ARID5B: variants seen among roughly 807,000 people sequenced by gnomAD.
ARID5B encodes the protein AT-rich interactive domain-containing protein 5B.
In ARID5B, 13 loss-of-function variants were observed where a neutral mutation model predicts 97.2. That is an observed-to-expected ratio of 0.13 (90% CI 0.09 to 0.21). ARID5B has a LOEUF of 0.21. Ranked by LOEUF, ARID5B falls within the 10% of genes least tolerant of loss-of-function variation. The probability of loss-of-function intolerance (pLI) is 1.00; values close to 1 mark genes in which losing one functional copy is unlikely to be tolerated. For missense variants in ARID5B, 1,210 were observed against 1,465.3 expected, an observed-to-expected ratio of 0.83 and a Z score of 2.84; for synonymous variants, 556 against 570.3, an observed-to-expected ratio of 0.97 and a Z score of 0.36.
In ARID5B at chr10:62,088,979, A is replaced by C. The variant is rs149308606; in HGVS notation, c.1399-1883A>C. On this transcript the variant is annotated intron_variant, in intron 9 of 9. Coordinates refer to ENST00000279873, the MANE Select transcript of ARID5B (RefSeq NM_032199.3). ...ACTTTTTTCTGCCTAGCTTTCAAAGACTTCCTAAACCTGTTTTACAACCCG... is the reference window on the plus strand; with the variant it reads ...ACTTTTTTCTGCCTAGCTTTCAAAGCCTTCCTAAACCTGTTTTACAACCCG... Among the ~76,000 whole-genome samples, 857 of 152,290 alleles carry C rather than the reference A, an allele frequency of 5.6e-3. 8 individuals are homozygous for C. The highest frequency in any genetic ancestry group is 0.01 in the Non-Finnish European group (681 of 68,014).
chr10:61,985,625 T>C (rs1838836355), intron 3 of ARID5B, among the ~76,000 whole-genome samples: 1 of 152,080 alleles, frequency 6.6e-6, no homozygotes, highest in African/African-American at 2.4e-5. Flanking sequence ...GGAGTGATGG[T>C]TGCATTGTGA....
At chr10:61,916,699 G>C (rs1372823105) in intron 2 of ARID5B, among the ~76,000 whole-genome samples, 2 of 152,162 alleles carry the variant, frequency 1.3e-5, no homozygotes, top group Non-Finnish European at 2.9e-5. Flanking sequence ...GAAACATTGT[G>C]CTGTCCTGTT....
intron 4 of ARID5B, among the ~76,000 whole-genome samples, chr10:62,021,029 AAT>A (rs10528323): frequency 0.066 from 7,019 of 106,144 alleles, 193 homozygotes; most frequent in Middle Eastern, 0.098. Flanking sequence ...TTGTCACATG[AAT>A]ATATATATAT....
At chr10:61,998,834 A>G (rs1410670051) in intron 3 of ARID5B, among the ~76,000 whole-genome samples, 1 of 152,188 alleles carries the variant, frequency 6.6e-6, no homozygotes, top group Non-Finnish European at 1.5e-5. Context: ...GGGCTAGATC[A>G]TGCTGCAATA....
intron 2 of ARID5B, among the ~76,000 whole-genome samples, chr10:61,913,283 A>C (rs1322949551): frequency 6.6e-6 from 1 of 152,206 alleles, no homozygotes; most frequent in African/African-American, 2.4e-5. Flanking sequence ...AGGCATGGCT[A>C]GCTTAAAGTC....
chr10:61,919,611 A>G (rs905429487), intron 2 of ARID5B, among the ~76,000 whole-genome samples: 1 of 152,258 alleles, frequency 6.6e-6, no homozygotes, highest in African/African-American at 2.4e-5. Context: ...TGTAGTACTC[A>G]GTCTCCTCGC....
At chr10:62,083,284 G>GGA (rs1840238295) in intron 8 of ARID5B, among the ~76,000 whole-genome samples, 1 of 100,308 alleles carries the variant, frequency 1.0e-5, no homozygotes, top group Non-Finnish European at 1.9e-5. Context: ...GTGAAGGGGA[G>GGA]AAAAAAAAAA....
chr10:61,906,602 G>T (rs1347707338), intron 2 of ARID5B, among the ~76,000 whole-genome samples: 2 of 152,150 alleles, frequency 1.3e-5, no homozygotes, highest in Admixed American at 1.3e-4. Flanking sequence ...ATGATGTCCA[G>T]GAGTCAAGAT....
intron 8 of ARID5B, among the ~76,000 whole-genome samples, chr10:62,071,456 T>C (rs1172615031): frequency 1.3e-5 from 2 of 151,802 alleles, no homozygotes; most frequent in Non-Finnish European, 2.9e-5. Flanking sequence ...AAGGAGCAGA[T>C]AGCAATTAAA....
At chr10:61,916,922 A>G (rs76415874) in intron 2 of ARID5B, among the ~76,000 whole-genome samples, 60 of 152,276 alleles carry the variant, frequency 3.9e-4, no homozygotes, top group African/African-American at 1.2e-3. Context: ...GATAAGATCA[A>G]TGAGTGACTG....
intron 2 of ARID5B, among the ~76,000 whole-genome samples, chr10:61,930,047 C>A (rs906080213): frequency 1.3e-5 from 2 of 152,182 alleles, no homozygotes; most frequent in Non-Finnish European, 1.5e-5. Context: ...TGGGACCAAA[C>A]AGTACAATGT....
intron 8 of ARID5B, among the ~76,000 whole-genome samples, chr10:62,074,510 G>T (rs900313369): frequency 1.3e-5 from 2 of 152,126 alleles, no homozygotes; most frequent in African/African-American, 4.8e-5. Context: ...GTAGAGTGTG[G>T]GAGGCTTCAT....
intron 3 of ARID5B, among the ~76,000 whole-genome samples, chr10:61,948,852 C>T (rs968390027): frequency 6.6e-6 from 1 of 152,228 alleles, no homozygotes; most frequent in African/African-American, 2.4e-5. Flanking sequence ...AACTACTGGA[C>T]TCTTCTCTAG....
chr10:62,047,947 T>G (rs1839732898), intron 4 of ARID5B, among the ~76,000 whole-genome samples: 1 of 152,160 alleles, frequency 6.6e-6, no homozygotes, highest in Non-Finnish European at 1.5e-5. Context: ...CACCCCGTAC[T>G]TTGAATATTT....
intron 7 of ARID5B, among the ~76,000 whole-genome samples, 158 bp from the exon 8 acceptor site, chr10:62,069,542 C>T (rs1840034906): frequency 6.6e-6 from 1 of 152,170 alleles, no homozygotes; most frequent in South Asian, 2.1e-4. Context: ...CGAGATCTCA[C>T]TATGAAACCA....
In ARID5B at chr10:62,000,312, G is replaced by T; in HGVS notation, c.724G>T (p.Asp242Tyr). 3 of 1,603,320 alleles carry T rather than the reference G, an allele frequency of 1.9e-6. No individual in the cohort carries two copies. The highest frequency in any genetic ancestry group is 2.6e-6 in the Non-Finnish European group (3 of 1,174,474). The part of the protein sequence containing the change: ...PTLIENESIC[D>Y]EFAPNLKGRP... The stretch of plus-strand genomic sequence containing the variant: ...TCTCATAGAAAACGAGAGTATATGC[G>T]ATGAGTTTGGTGAGTCTTTTTTTTT... The change falls in exon 4 of 10, where the codon GAT (aspartate) becomes TAT (tyrosine). Residue 242 changes from aspartate (D) to tyrosine (Y), a missense_variant. This residue lies in a region of ARID5B where 132 missense variants were observed against 156.7 expected (regional missense o/e 0.84). Transcript: ENST00000279873. This position sits in a 1 kb window ranked among gnomAD's most constrained non-coding sequence, Gnocchi z 4.4.
At chr10:62,086,311 T>C (rs1239733081) in intron 9 of ARID5B, among the ~76,000 whole-genome samples, 3 of 152,130 alleles carry the variant, frequency 2.0e-5, no homozygotes, top group Admixed American at 6.5e-5. Flanking sequence ...ATTTTGGGGC[T>C]GGACATGGTG....
At chr10:61,902,547 G>A in intron 2 of ARID5B, 134 bp downstream of exon 2, 1 of 1,249,530 alleles carries the variant, frequency 8.0e-7, no homozygotes, top group Non-Finnish European at 1.1e-6. Context: ...TAAAGGGGTA[G>A]CGCCACTAGC....
At chr10:62,075,027 A>G (rs1840109358) in intron 8 of ARID5B, among the ~76,000 whole-genome samples, 1 of 152,228 alleles carries the variant, frequency 6.6e-6, no homozygotes, top group Non-Finnish European at 1.5e-5. Context: ...ATCAGATGGG[A>G]AATTTAGAAA....
Sources: allele counts gnomAD v4.1 joint callset (sites outside exome capture counted in the v4.1 genomes callset), GRCh38; gene constraint gnomAD v4.1.1; regional missense constraint gnomAD v4.1.1; non-coding constraint Gnocchi (gnomAD v3.1); transcripts MANE v1.5; gene names NCBI Gene and HGNC (gene_info 2026-07-23, HGNC 2026-07-21).